Variants in RBP5 observed in about 807,000 individuals in gnomAD.
RBP5 encodes retinol-binding protein 5.
A neutral mutation model predicts 17.8 loss-of-function variants in RBP5; 12 were observed. That is an observed-to-expected ratio of 0.67 (90% confidence interval 0.43 to 1.09). The LOEUF is 1.09. Ranked by LOEUF, RBP5 falls within the 50% of genes least tolerant of loss-of-function variation. The probability of loss-of-function intolerance (pLI) is 0.00; values close to 1 mark genes in which losing one functional copy is unlikely to be tolerated. For synonymous variants in RBP5, 64 were observed against 68.1 expected (o/e 0.94, Z 0.30); for missense variants, 172 against 169.4 (o/e 1.02, Z -0.09).
At chr12:7,122,080 G>A (rs1372756655), downstream of RBP5, among the ~76,000 whole-genome samples, 2 of 89,444 alleles carry the variant, frequency 2.2e-5, no homozygotes, top group Non-Finnish European at 4.4e-5. Flanking sequence ...GATTGGGTGT[G>A]TGTTTATATG....
downstream of RBP5, among the ~76,000 whole-genome samples, chr12:7,120,188 G>A (rs1939060693): frequency 6.6e-6 from 1 of 152,138 alleles, no homozygotes; most frequent in Non-Finnish European, 1.5e-5. Flanking sequence ...CCTTGAGAAA[G>A]ATGGAGATCC....
intron 2 of RBP5, among the ~76,000 whole-genome samples, chr12:7,126,093 C>CAA (rs1939156273): frequency 6.9e-6 from 1 of 145,486 alleles, no homozygotes. Context: ...CACAAAAACA[C>CAA]AAAAAAGCAA....
At chr12:7,126,518 T>TG (rs1565645370) in intron 2 of RBP5, among the ~76,000 whole-genome samples, 20 of 91,152 alleles carry the variant, frequency 2.2e-4, no homozygotes, top group Middle Eastern at 5.2e-3. Flanking sequence ...GTGGTGTGTG[T>TG]GTGTGTGTGT....
Position 7,124,650 on chromosome 12 carries a change from C to T in RBP5, c.333G>A (p.Leu111=), listed in dbSNP as rs901457788. ...EVPNRGWRHW[L]EGEMLYLELT... The stretch of plus-strand genomic sequence containing the variant: ...TTACCAGATACAGCATCTCTCCCTC[C>T]AGCCAGTGTCTCCAGCCCCGGTTGG... The change falls in exon 3 of 4, where the codon CTG becomes CTA. Residue 111 remains leucine, a synonymous_variant. Transcript: ENST00000266560. This position sits in a 1 kb window ranked among gnomAD's most constrained non-coding sequence, Gnocchi z 5.3. 1.2e-6 allele frequency: 2 copies of T among 1,609,686 alleles called. No homozygotes were observed. Among genetic ancestry groups the T allele is most frequent in the Non-Finnish European group, 1.7e-6 (2 of 1,176,036 alleles).
rs755068261 is a variant in RBP5, at chr12:7,128,738, G to T, written c.38C>A (p.Ser13Ter). 1.2e-6 allele frequency: 2 copies of T among 1,605,138 alleles called. No individual in the cohort carries two copies. The highest frequency in any genetic ancestry group is 2.2e-5 in the South Asian group (2 of 89,238). ...CAGGTAGTCCTCCATGTTCTTCTGC[G>T]AGACAAAGCGGTAGTAGCCAGTGAG... is the stretch of plus-strand genomic sequence containing the variant. ...PNLTGYYRFV[S>*]QKNMEDYLQA... Residue 13 changes from serine (S) to a stop codon, truncating the protein, a stop_gained, in exon 1 of 4, where the codon TCG (serine) becomes TAG (stop). Transcript: ENST00000266560. LOFTEE classifies it high-confidence loss of function. This position sits in a 1 kb window ranked among gnomAD's most constrained non-coding sequence, Gnocchi z 5.3.
rs1344626893 is a variant in RBP5 at position 7,124,633 on chromosome 12, T to C, written c.350A>G (p.Tyr117Cys). 1.4e-6 allele frequency: 2 copies of C among 1,445,900 alleles called. No homozygotes were observed. Among genetic ancestry groups the C allele is most frequent in the East Asian group, 2.3e-5 (1 of 43,912 alleles). The allele number at this position is 1,445,900 out of a possible 1,614,324, so 89.6% of individuals were successfully genotyped here. ...CCCAGCCCCCACCCCATTTACCAGA[T>C]ACAGCATCTCTCCCTCCAGCCAGTG... ...WRHWLEGEML[Y>C]LELTARDAVC... Residue 117 changes from tyrosine to cysteine, a missense_variant, in exon 3 of 4, where the codon TAT becomes TGT. Physicochemically the swap from Tyr to Cys is radical, Grantham distance 194 (BLOSUM62 -2). Coordinates refer to ENST00000266560, the MANE Select transcript of RBP5 (RefSeq NM_031491.4). The surrounding 1 kb of genome is among the most constrained non-coding windows in gnomAD (Gnocchi z 5.3).
chr12:7,119,668 A>G (rs1939052960), downstream of RBP5: 1 of 154,826 alleles, frequency 6.5e-6, no homozygotes, highest in South Asian at 2.0e-4. Context: ...AGTTAAGAGA[A>G]TTTCAATCAT....
Position 7,124,192 on chromosome 12 carries a change from G to A in RBP5, c.355-18C>T. On this transcript the variant is annotated intron_variant, in intron 3 of 3. Coordinates refer to ENST00000266560, the MANE Select transcript of RBP5 (RefSeq NM_031491.4). This position sits in a 1 kb window ranked among gnomAD's most constrained non-coding sequence, Gnocchi z 5.3. ...GTCAGTTCCTGGGGAGAGAGGGGAAGTGAGGGGGAGAGAGAAAGAGGGCGT... is the reference window on the plus strand; with the variant it reads ...GTCAGTTCCTGGGGAGAGAGGGGAAATGAGGGGGAGAGAGAAAGAGGGCGT... 6.2e-7 allele frequency: 1 copy of A among 1,613,722 alleles called. No individual in the cohort carries two copies. The highest frequency in any genetic ancestry group is 8.5e-7 in the Non-Finnish European group (1 of 1,179,732).
At chr12:7,116,007 C>G (rs749863944) in exon 4 of RBP5, 13 of 152,314 alleles carry the variant, frequency 8.5e-5, no homozygotes, top group Non-Finnish European at 1.5e-5. Flanking sequence ...CTCACCAGGC[C>G]CCTCCTCCAA....
At chr12:7,127,080 C>T (rs1304490515) in intron 2 of RBP5, among the ~76,000 whole-genome samples, 3 of 143,674 alleles carry the variant, frequency 2.1e-5, no homozygotes, top group Non-Finnish European at 3.0e-5. Flanking sequence ...GCAACCTCTG[C>T]CTCCCAGGTT....
chr12:7,119,876 G>A (rs1179684632), downstream of RBP5, among the ~76,000 whole-genome samples: 1 of 152,246 alleles, frequency 6.6e-6, no homozygotes, highest in African/African-American at 2.4e-5. Context: ...TACTCCTGCA[G>A]CTAGTAATAG....
rs1939017415 is a variant in RBP5 at position 7,117,300 on chromosome 12, C to G, written n.897G>C. 1 of 152,164 alleles carries G rather than the reference C, an allele frequency of 6.6e-6. No homozygotes were observed. The highest frequency in any genetic ancestry group is 2.4e-5 in the African/African-American group (1 of 41,418). 9.4% of individuals were successfully genotyped at this position (152,164 alleles called of 1,614,324 possible). ...TTTCTGCCTTATTCCATTGGTCACA[C>G]AGACAACCCGATGTGGAAGGAGACA... On this transcript the variant is annotated non_coding_transcript_exon_variant, in exon 4 of 4. Transcript: ENST00000619522. The surrounding 1 kb of genome is among the most constrained non-coding windows in gnomAD (Gnocchi z 4.9).
rs1180665307 is a variant in RBP5, at chr12:7,128,765, T to C, written c.11A>G (p.Asn4Ser). The C allele has an allele frequency of 1.9e-6, 3 of 1,600,862 alleles. No homozygotes were observed. The highest frequency in any genetic ancestry group is 2.7e-5 in the African/African-American group (2 of 74,670). Residue 4 changes from asparagine (N) to serine (S), a missense_variant, in exon 1 of 4, where the codon AAC (asparagine) becomes AGC (serine). Asn to Ser is a conservative substitution (Grantham distance 46). Transcript: ENST00000266560. The surrounding 1 kb of genome is among the most constrained non-coding windows in gnomAD (Gnocchi z 5.3). MPPNLTGYYRFVSQ... is the reference protein window; with the variant it reads MPPSLTGYYRFVSQ... ...GACAAAGCGGTAGTAGCCAGTGAGG[T>C]TGGGAGGCATTGTGTGGATGAAGGT...
chr12:7,123,961 A>G lies in RBP5; in HGVS notation c.*160T>C, dbSNP rs1174395594. ...GAAAGGACTTTGGCCTGGGGGCTGC[A>G]AGTTACAGATTAACACGGGGAGGGG... On this transcript the variant is annotated 3_prime_UTR_variant, in exon 4 of 4. Coordinates refer to ENST00000266560, the MANE Select transcript of RBP5 (RefSeq NM_031491.4). The G allele has an allele frequency of 7.5e-6, 5 of 665,540 alleles. No individual in the cohort carries two copies. Among genetic ancestry groups the G allele is most frequent in the Non-Finnish European group, 1.3e-5 (5 of 370,608 alleles). 41.2% of individuals were successfully genotyped at this position (665,540 alleles called of 1,614,324 possible).
downstream of RBP5, among the ~76,000 whole-genome samples, chr12:7,119,221 T>TG (rs1939046663): frequency 3.2e-5 from 2 of 63,330 alleles, no homozygotes; most frequent in East Asian, 4.8e-4. Flanking sequence ...TCCCAAGGGC[T>TG]GGGGGGTAGG....
chr12:7,127,809 G>GT, intron 2 of RBP5: 1 of 676,518 alleles, frequency 1.5e-6, no homozygotes, highest in African/African-American at 1.8e-5. Context: ...ACTCTGCGGA[G>GT]AAAACTCCAG....
At position 7,124,672 on chromosome 12, in the gene RBP5, T is replaced by C. The variant is rs1448889071; in HGVS notation, c.311A>G (p.Asn104Ser). ...LVCVQKGEVP[N>S]RGWRHWLEGE... ...CTCCAGCCAGTGTCTCCAGCCCCGG[T>C]TGGGGACCTCCCCTTTCTGCACACA... Residue 104 changes from asparagine (N) to serine (S), a missense_variant, in exon 3 of 4, where the codon AAC becomes AGC. By Grantham distance (46) the Asn-to-Ser change is conservative. Transcript: ENST00000266560. This position sits in a 1 kb window ranked among gnomAD's most constrained non-coding sequence, Gnocchi z 5.3. 1 of 1,608,490 alleles carries C rather than the reference T, an allele frequency of 6.2e-7. No homozygotes were observed. Among genetic ancestry groups the C allele is most frequent in the Non-Finnish European group, 8.5e-7 (1 of 1,176,334 alleles).
In RBP5 at chr12:7,124,621, C is replaced by T; in HGVS notation, c.354+8G>A. 6.6e-7 allele frequency: 1 copy of T among 1,520,190 alleles called. No homozygotes were observed. Among genetic ancestry groups the T allele is most frequent in the Non-Finnish European group, 9.1e-7 (1 of 1,094,732 alleles). 94.2% of individuals were successfully genotyped at this position (1,520,190 alleles called of 1,614,324 possible). On this transcript the variant is annotated splice_region_variant and intron_variant, in intron 3 of 3. Coordinates refer to ENST00000266560, the MANE Select transcript of RBP5 (RefSeq NM_031491.4). The surrounding 1 kb of genome is among the most constrained non-coding windows in gnomAD (Gnocchi z 5.3). ...TTCTCCCAGACACCCAGCCCCCACCCCATTTACCAGATACAGCATCTCTCC... is the reference window on the plus strand; with the variant it reads ...TTCTCCCAGACACCCAGCCCCCACCTCATTTACCAGATACAGCATCTCTCC...
chr12:7,129,079 TTCCTGAGGAAGGAACCTGGAGCAGGATC>T (rs1939230732), upstream of RBP5: 1 of 5,144 alleles, frequency 1.9e-4, no homozygotes, highest in Non-Finnish European at 3.7e-4. The surrounding 1 kb of genome is among the most constrained non-coding windows in gnomAD (Gnocchi z 5.5). Context: ...AGCAGGATCC[TTCCTGAGGAAGGAACCTGGAGCAGGATC>T]TGGGGCTGTC....
Sources: gnomAD v4.1 joint callset for allele counts (sites outside exome capture counted in the v4.1 genomes callset) on GRCh38, gnomAD v4.1.1 for gene constraint, Gnocchi (gnomAD v3.1) non-coding constraint, MANE v1.5 for transcripts, NCBI Gene and HGNC (gene_info 2026-07-23, HGNC 2026-07-21) for gene names.